The following ARMC9 variants were observed in gnomAD, a reference collection of about 807,000 sequenced individuals.
The protein encoded by ARMC9 is lisH domain-containing protein ARMC9.
A neutral mutation model predicts 107.0 loss-of-function variants in ARMC9; 94 were observed. The ratio of observed to expected loss-of-function variants is 0.88; its 90% CI spans 0.74 to 1.04. ARMC9 has a LOEUF of 1.04. Ranked by LOEUF, ARMC9 falls within the 50% of genes least tolerant of loss-of-function variation. ARMC9 has a pLI of 0.00. For missense variants in ARMC9, 942 were observed against 1,030.1 expected (o/e 0.91, Z 1.17); for synonymous variants, 380 against 396.9 (o/e 0.96, Z 0.51).
intron 12 of ARMC9, among the ~76,000 whole-genome samples, chr2:231,268,702 T>C (rs1029851635): frequency 2.6e-5 from 4 of 152,198 alleles, no homozygotes; most frequent in African/African-American, 9.7e-5. Context: ...GGATTGTAAA[T>C]AATTTTCCTT....
intron 12 of ARMC9, among the ~76,000 whole-genome samples, chr2:231,263,307 A>G (rs1457306954): frequency 6.6e-6 from 1 of 152,222 alleles, no homozygotes; most frequent in African/African-American, 2.4e-5. Flanking sequence ...TACCACAGAT[A>G]GGGTAATTTA....
At chr2:231,334,182 G>A (rs1195848577) in intron 20 of ARMC9, among the ~76,000 whole-genome samples, 1 of 152,218 alleles carries the variant, frequency 6.6e-6, no homozygotes, top group African/African-American at 2.4e-5. Context: ...GTGAAGATGG[G>A]AAGAGCCAGT....
At chr2:231,247,289 T>G (rs2036860911) in intron 9 of ARMC9, among the ~76,000 whole-genome samples, 1 of 152,154 alleles carries the variant, frequency 6.6e-6, no homozygotes, top group Admixed American at 6.5e-5. Flanking sequence ...TGGTTTTGAT[T>G]TTGTGATAGA....
intron 19 of ARMC9, among the ~76,000 whole-genome samples, chr2:231,299,459 A>G (rs2125489850): frequency 6.6e-6 from 1 of 152,288 alleles, no homozygotes; most frequent in African/African-American, 2.4e-5. Flanking sequence ...GCTCCTCAAG[A>G]GAGAGAAGTG....
chr2:231,244,028 C>T (rs144729314), intron 9 of ARMC9, among the ~76,000 whole-genome samples: 5 of 152,234 alleles, frequency 3.3e-5, no homozygotes, highest in East Asian at 1.9e-4. Flanking sequence ...CTTCATAGAG[C>T]GGTCTTGGGT....
chr2:231,340,937 G>A lies in ARMC9; in HGVS notation c.1879-4038G>A, dbSNP rs191535774. ...AACAAGTGTAGGGCTGGGCATGGTGGCTCGTGTGTAATCCCAGTGCTTTGG... is the reference window on the plus strand; with the variant it reads ...AACAAGTGTAGGGCTGGGCATGGTGACTCGTGTGTAATCCCAGTGCTTTGG... On this transcript the variant is annotated intron_variant, in intron 20 of 24. Transcript: ENST00000611582. Among the ~76,000 whole-genome samples, 365 of 151,274 alleles carry A rather than the reference G, an allele frequency of 2.4e-3. 2 individuals are homozygous for A. The highest frequency in any genetic ancestry group is 4.1e-3 in the Non-Finnish European group (281 of 67,730).
In ARMC9 at chr2:231,358,760, G is replaced by A. The variant is rs1445841200; in HGVS notation, c.2132-1994G>A. 6.6e-6 allele frequency among the ~76,000 whole-genome samples: 1 copy of A among 152,188 alleles called. No individual in the cohort carries two copies. Among genetic ancestry groups the A allele is most frequent in the African/African-American group, 2.4e-5 (1 of 41,436 alleles). ...AAACTGCTTGATCGGTTGAGTGCAG[G>A]CCCAGAAAGTACATTCTAGGCAAAA... On this transcript the variant is annotated intron_variant, in intron 22 of 24. Coordinates refer to ENST00000611582, the MANE Select transcript of ARMC9 (RefSeq NM_001352754.2). The surrounding 1 kb of genome is among the most constrained non-coding windows in gnomAD (Gnocchi z 4.5).
intron 16 of ARMC9, 52 bp from the exon 17 acceptor site, chr2:231,282,007 T>G: frequency 6.5e-7 from 1 of 1,534,230 alleles, no homozygotes; most frequent in Non-Finnish European, 9.0e-7. Flanking sequence ...GATATAGAGT[T>G]GTGCAGTATT....
At chr2:231,370,986 G>T (rs1033893149) in intron 24 of ARMC9, 2 of 453,052 alleles carry the variant, frequency 4.4e-6, no homozygotes, top group Non-Finnish European at 4.4e-6. Context: ...GGTTGGAAGT[G>T]GGGGTAATGG....
intron 23 of ARMC9, 146 bp downstream of exon 23, chr2:231,361,029 A>G: frequency 7.6e-7 from 1 of 1,322,088 alleles, no homozygotes; most frequent in Non-Finnish European, 1.0e-6. Context: ...CAGTGTCAAG[A>G]TTCCCAGCGG....
intron 10 of ARMC9, among the ~76,000 whole-genome samples, chr2:231,257,652 A>G (rs2037955060): frequency 6.6e-6 from 1 of 152,132 alleles, no homozygotes; most frequent in Non-Finnish European, 1.5e-5. Context: ...TACTTGTTTA[A>G]TTTCTCTGTG....
At position 231,222,792 on chromosome 2, in the gene ARMC9, G is replaced by A; in HGVS notation, c.569G>A (p.Ser190Asn). The A allele has an allele frequency of 6.3e-7, 1 of 1,594,156 alleles. No individual in the cohort carries two copies. The highest frequency in any genetic ancestry group is 1.1e-5 in the South Asian group (1 of 90,020). The change falls in exon 6 of 25, where the codon AGC becomes AAC. Residue 190 changes from serine (S) to asparagine (N), a missense_variant. Transcript: ENST00000611582. ...IKFLALISKASNTPKLLTIYK... is the reference protein window; with the variant it reads ...IKFLALISKANNTPKLLTIYK... Reference sequence around the variant, plus strand: ...TTTCTAGCTTTAATATCTAAAGCCAGCAACACGCCAAAGCTTTTAACAATA... The same window carrying A: ...TTTCTAGCTTTAATATCTAAAGCCAACAACACGCCAAAGCTTTTAACAATA...
intron 9 of ARMC9, chr2:231,256,189 C>T (rs1450016866): frequency 6.5e-7 from 1 of 1,533,498 alleles, no homozygotes; most frequent in African/African-American, 1.4e-5. Flanking sequence ...CGCAGGTGCG[C>T]GTGGAATTCA....
intron 20 of ARMC9, among the ~76,000 whole-genome samples, chr2:231,334,661 C>T (rs1011135693): frequency 4.6e-5 from 7 of 152,112 alleles, no homozygotes; most frequent in African/African-American, 1.2e-4. Context: ...GAAAATTTAA[C>T]GTGGAGCAGT....
intron 19 of ARMC9, among the ~76,000 whole-genome samples, chr2:231,319,852 T>C (rs1411356987): frequency 6.6e-6 from 1 of 152,116 alleles, no homozygotes; most frequent in Non-Finnish European, 1.5e-5. Flanking sequence ...ATTTTAAACT[T>C]TTCAGAAAGA....
intron 19 of ARMC9, among the ~76,000 whole-genome samples, chr2:231,322,800 A>G (rs898096458): frequency 1.3e-4 from 20 of 152,204 alleles, no homozygotes; most frequent in African/African-American, 4.6e-4. Flanking sequence ...AAAGACCAGT[A>G]ATTTTAGTCA....
In ARMC9 at chr2:231,292,878, C is replaced by T. The variant is rs114353199; in HGVS notation, c.1717+1435C>T. On this transcript the variant is annotated intron_variant, in intron 18 of 24. Transcript: ENST00000611582. The stretch of plus-strand genomic sequence containing the variant: ...GGGTTCACAGTCTGGCTGTACAGGG[C>T]GGTCACCTGGGGAGATGTTTAAATC... 3.7e-3 allele frequency among the ~76,000 whole-genome samples: 571 copies of T among 152,290 alleles called. 4 individuals are homozygous for T. Among genetic ancestry groups the T allele is most frequent in the African/African-American group, 0.013 (542 of 41,558 alleles).
intron 19 of ARMC9, among the ~76,000 whole-genome samples, chr2:231,299,398 G>C (rs1012226157): frequency 6.6e-6 from 1 of 152,176 alleles, no homozygotes; most frequent in African/African-American, 2.4e-5. Context: ...AAACTGCAAG[G>C]GGGGAATAGG....
At chr2:231,314,306 C>T (rs1381930317) in intron 19 of ARMC9, among the ~76,000 whole-genome samples, 3 of 151,764 alleles carry the variant, frequency 2.0e-5, no homozygotes, top group Non-Finnish European at 2.9e-5. Context: ...CTCGAACTCC[C>T]GACCTCAGCT....
Sources: gnomAD v4.1 joint callset for allele counts (sites outside exome capture counted in the v4.1 genomes callset) on GRCh38, gnomAD v4.1.1 for gene constraint, Gnocchi (gnomAD v3.1) non-coding constraint, MANE v1.5 for transcripts, NCBI Gene and HGNC (gene_info 2026-07-23, HGNC 2026-07-21) for gene names.